The following PI4KA variants were observed in gnomAD, a reference collection of about 807,000 sequenced individuals.
PI4KA encodes PI4-kinase alpha.
Under a neutral mutation model 271.4 loss-of-function variants are expected in PI4KA, and 122 were observed. That is an observed-to-expected ratio of 0.45 (90% CI 0.39 to 0.52). The LOEUF is 0.52. Among genes scored for constraint, PI4KA ranks in the 20% least tolerant of loss-of-function variants. PI4KA has a pLI of 0.00. For synonymous variants in PI4KA, 1,041 were observed against 1,078.8 expected (o/e 0.96, Z 0.69); for missense variants, 1,969 against 2,769.1 (o/e 0.71, Z 6.48).
chr22:20,812,559 T>C (rs2147657309), intron 8 of PI4KA, among the ~76,000 whole-genome samples: 1 of 152,262 alleles, frequency 6.6e-6, no homozygotes, highest in Admixed American at 6.5e-5. Flanking sequence ...GATCTTTATT[T>C]TGTAATTTTT....
At chr22:20,855,338 A>G (rs565697422) in intron 1 of PI4KA, among the ~76,000 whole-genome samples, 9 of 152,154 alleles carry the variant, frequency 5.9e-5, no homozygotes, top group Non-Finnish European at 1.2e-4. Flanking sequence ...ACATATGTAT[A>G]CATGTGCCAG....
chr22:20,765,271 T>G (rs1372531337), intron 20 of PI4KA, 35 bp from the exon 21 acceptor site: 1 of 1,572,444 alleles, frequency 6.4e-7, no homozygotes, highest in Admixed American at 1.8e-5. Context: ...GGAAATCACC[T>G]TGGTCGGAAA....
At chr22:20,818,403 T>A in intron 7 of PI4KA, 80 bp downstream of exon 7, 2 of 1,015,766 alleles carry the variant, frequency 2.0e-6, no homozygotes, top group Non-Finnish European at 2.9e-6. Flanking sequence ...AGTATCAGCA[T>A]CCTTAATATC....
rs165644 is a variant in PI4KA at position 20,820,966 on chromosome 22, G to A, written c.457-355C>T. Among the ~76,000 whole-genome samples the A allele has an allele frequency of 4.0e-3, 605 of 152,298 alleles. 6 individuals are homozygous for A. Among genetic ancestry groups the A allele is most frequent in the Admixed American group, 0.012 (182 of 15,292 alleles). On this transcript the variant is annotated intron_variant, in intron 4 of 54. Coordinates refer to ENST00000255882, the MANE Select transcript of PI4KA (RefSeq NM_058004.4). Reference sequence around the variant, plus strand: ...GTAAACGCCCTAGCGCTTTTCAACCGTATTCTTCATGATCATAAATCCTTT... The same window carrying A: ...GTAAACGCCCTAGCGCTTTTCAACCATATTCTTCATGATCATAAATCCTTT...
rs116171902 is a variant in PI4KA at position 20,769,141 on chromosome 22, G to A, written c.2329-3448C>T. On this transcript the variant is annotated intron_variant, in intron 19 of 54. Coordinates refer to ENST00000255882, the MANE Select transcript of PI4KA (RefSeq NM_058004.4). Reference sequence around the variant, plus strand: ...CTCTCAATGAGAACAGTAGCTCCACGTGGCTGGGAAGTTCAAAGTGGTTTT... The same window carrying A: ...CTCTCAATGAGAACAGTAGCTCCACATGGCTGGGAAGTTCAAAGTGGTTTT... Among the ~76,000 whole-genome samples the A allele has an allele frequency of 4.2e-3, 635 of 152,332 alleles. 5 individuals are homozygous for A. Among genetic ancestry groups the A allele is most frequent in the African/African-American group, 0.015 (605 of 41,568 alleles).
At chr22:20,797,071 T>C (rs1050165426) in intron 17 of PI4KA, among the ~76,000 whole-genome samples, 3 of 151,730 alleles carry the variant, frequency 2.0e-5, no homozygotes, top group Admixed American at 6.6e-5. Flanking sequence ...ACGGGAAGAG[T>C]GAAACACCAC....
intron 45 of PI4KA, among the ~76,000 whole-genome samples, chr22:20,716,967 C>A (rs1354784716): frequency 1.3e-5 from 2 of 152,096 alleles, no homozygotes; most frequent in African/African-American, 2.4e-5. Flanking sequence ...AGAGAGAGGC[C>A]GGGCACAGTG....
intron 19 of PI4KA, among the ~76,000 whole-genome samples, chr22:20,782,715 C>G (rs1286227602): frequency 6.6e-6 from 1 of 152,148 alleles, no homozygotes; most frequent in African/African-American, 2.4e-5. Flanking sequence ...TTGGAGTAAG[C>G]ATTACTGGTA....
chr22:20,808,790 T>G (rs924314117), intron 9 of PI4KA, among the ~76,000 whole-genome samples: 1 of 151,872 alleles, frequency 6.6e-6, no homozygotes, highest in Non-Finnish European at 1.5e-5. Flanking sequence ...GTGATCCTCC[T>G]GCCTCAGCCT....
At chr22:20,740,376 A>T (rs1374073352) in intron 32 of PI4KA, among the ~76,000 whole-genome samples, 1 of 151,560 alleles carries the variant, frequency 6.6e-6, no homozygotes, top group Non-Finnish European at 1.5e-5. Context: ...ATATATGTGT[A>T]CCTGGAATCC....
rs1924617098 is a variant in PI4KA at position 20,834,569 on chromosome 22, T to C, written c.360A>G (p.Lys120=). Residue 120 remains lysine, a synonymous_variant, in exon 3 of 55, where the codon AAA becomes AAG. Coordinates refer to ENST00000255882, the MANE Select transcript of PI4KA (RefSeq NM_058004.4). ...VYWVEESTAR[K]GRGALPVAES... ...AACATTATATACAATTACCTCTGCCTTTCCGAGCTGTGCTTTCTTCTACCC... is the reference window on the plus strand; with the variant it reads ...AACATTATATACAATTACCTCTGCCCTTCCGAGCTGTGCTTTCTTCTACCC... 10 of 1,593,848 alleles carry C rather than the reference T, an allele frequency of 6.3e-6. No individual in the cohort carries two copies. Among genetic ancestry groups the C allele is most frequent in the African/African-American group, 2.7e-5 (2 of 74,696 alleles).
intron 1 of PI4KA, among the ~76,000 whole-genome samples, chr22:20,841,951 C>G (rs977699798): frequency 6.6e-6 from 1 of 152,096 alleles, no homozygotes; most frequent in Admixed American, 6.5e-5. Flanking sequence ...TGCGGTGGCT[C>G]ATACCTGTAA....
At chr22:20,812,335 G>A (rs1263911268) in intron 8 of PI4KA, among the ~76,000 whole-genome samples, 1 of 152,092 alleles carries the variant, frequency 6.6e-6, no homozygotes, top group African/African-American at 2.4e-5. Flanking sequence ...TACATCTTCA[G>A]CCTGAAGCCA....
In PI4KA at chr22:20,714,544, A is replaced by G. The variant is rs763200099; in HGVS notation, c.5391-16T>C. 2.1e-5 allele frequency: 34 copies of G among 1,613,756 alleles called. No individual in the cohort carries two copies. Among genetic ancestry groups the G allele is most frequent in the Non-Finnish European group, 2.7e-5 (32 of 1,179,828 alleles). On this transcript the variant is annotated splice_polypyrimidine_tract_variant and intron_variant, in intron 46 of 54. Transcript: ENST00000255882. ...TTTTGCAGCACTGAAAACAACAAAA[A>G]GAATGTGGCACCCATGATGCAGCCG...
chr22:20,764,424 A>G (rs527495395), intron 22 of PI4KA, among the ~76,000 whole-genome samples: 1 of 152,188 alleles, frequency 6.6e-6, no homozygotes, highest in East Asian at 1.9e-4. Flanking sequence ...GCCCCACCCC[A>G]TGTCGCATTT....
chr22:20,779,514 G>T, intron 19 of PI4KA: 2 of 1,613,992 alleles, frequency 1.2e-6, no homozygotes, highest in South Asian at 2.2e-5. Flanking sequence ...CGTCACCAAC[G>T]ACTGGATTCC....
rs540450440 is a variant in PI4KA, at chr22:20,817,016, A to G, written c.856+1467T>C. 4.6e-5 allele frequency among the ~76,000 whole-genome samples: 7 copies of G among 152,318 alleles called. No individual in the cohort carries two copies. The East Asian group carries it at 1.4e-3, about 29-fold the overall frequency. On this transcript the variant is annotated intron_variant, in intron 7 of 54. Transcript: ENST00000255882. Reference sequence around the variant, plus strand: ...AGTGAGATTTTCAGAGCCTGGAGGAATACATTCTATACTTAAACAAGGAGT... The same window carrying G: ...AGTGAGATTTTCAGAGCCTGGAGGAGTACATTCTATACTTAAACAAGGAGT...
intron 32 of PI4KA, chr22:20,736,456 C>T (rs3859860): frequency 0.41 from 61,683 of 151,366 alleles, 13,054 homozygotes; most frequent in African/African-American, 0.49. Context: ...TTGCGCCAAC[C>T]GCATGTGGAG....
chr22:20,820,049 C>T, intron 5 of PI4KA, 149 bp from the exon 6 acceptor site: 2 of 705,322 alleles, frequency 2.8e-6, no homozygotes, highest in Non-Finnish European at 4.7e-6. Flanking sequence ...ATGGGGTCCA[C>T]CCCAAGGGCT....
Sources: gnomAD v4.1 joint callset for allele counts (sites outside exome capture counted in the v4.1 genomes callset) on GRCh38, gnomAD v4.1.1 for gene constraint, MANE v1.5 for transcripts, NCBI Gene and HGNC (gene_info 2026-07-23, HGNC 2026-07-21) for gene names.